HECW1: variants seen among roughly 807,000 people sequenced by gnomAD.
HECW1 encodes the protein HECT, C2 and WW domain containing E3 ubiquitin protein ligase 1, also known as E3 ubiquitin-protein ligase HECW1.
In HECW1, 61 loss-of-function variants were observed where a neutral mutation model predicts 182.3. That is an observed-to-expected ratio of 0.33 (90% confidence interval 0.27 to 0.41). The LOEUF is 0.41. Ranked by LOEUF, HECW1 falls within the 10% of genes least tolerant of loss-of-function variation. The pLI, the probability that HECW1 is intolerant of heterozygous loss-of-function variation, is 1.00. For synonymous variants in HECW1, 859 were observed against 832.6 expected (o/e 1.03, Z -0.55); for missense variants, 1,739 against 2,108.9 (o/e 0.82, Z 3.44).
chr7:43,371,976 C>T (rs147042264), intron 6 of HECW1, among the ~76,000 whole-genome samples: 2,013 of 152,240 alleles, frequency 0.013, 53 homozygotes, highest in African/African-American at 0.045. Flanking sequence ...CCCACCACCA[C>T]GCCCCGCTAA....
At chr7:43,488,052 G>A (rs1401185725) in intron 17 of HECW1, among the ~76,000 whole-genome samples, 10 of 151,966 alleles carry the variant, frequency 6.6e-5, no homozygotes, top group African/African-American at 9.7e-5. Context: ...GCTAAAGCCT[G>A]TAATCCCAGC....
At chr7:43,507,445 G>C (rs1234987146) in intron 22 of HECW1, among the ~76,000 whole-genome samples, 188 bp downstream of exon 22, 1 of 152,118 alleles carries the variant, frequency 6.6e-6, no homozygotes, top group Non-Finnish European at 1.5e-5. Context: ...AAATTGGAAG[G>C]GAAGCAGGAA....
At chr7:43,409,392 G>A (rs1168917201) in intron 8 of HECW1, among the ~76,000 whole-genome samples, 1 of 152,110 alleles carries the variant, frequency 6.6e-6, no homozygotes, top group Non-Finnish European at 1.5e-5. Flanking sequence ...ATTTTGTATG[G>A]GGGGAAAGGC....
chr7:43,270,291 G>T (rs1164030814), intron 3 of HECW1, among the ~76,000 whole-genome samples: 1 of 152,202 alleles, frequency 6.6e-6, no homozygotes, highest in East Asian at 1.9e-4. Context: ...GTCAGCTGGG[G>T]CTGCTGTCAT....
intron 2 of HECW1, among the ~76,000 whole-genome samples, chr7:43,232,247 G>A (rs921294706): frequency 6.6e-6 from 1 of 152,164 alleles, no homozygotes; most frequent in Non-Finnish European, 1.5e-5. Flanking sequence ...GTCTCTATTT[G>A]TGCCAGAACC....
chr7:43,529,118 G>A (rs77395404), intron 24 of HECW1, among the ~76,000 whole-genome samples: 3 of 152,112 alleles, frequency 2.0e-5, no homozygotes, highest in Middle Eastern at 6.8e-3. Context: ...TTATCACCCA[G>A]AACTGTGCCA....
At chr7:43,183,092 G>T (rs1012755583) in intron 2 of HECW1, among the ~76,000 whole-genome samples, 7 of 152,058 alleles carry the variant, frequency 4.6e-5, no homozygotes, top group African/African-American at 1.7e-4. Flanking sequence ...TCTCCTAAGC[G>T]CAGTGCTCTG....
At chr7:43,486,375 C>T (rs1349186708) in intron 17 of HECW1, among the ~76,000 whole-genome samples, 5 of 151,862 alleles carry the variant, frequency 3.3e-5, no homozygotes, top group Admixed American at 6.5e-5. Context: ...GATCTTGGCT[C>T]GCTGCAAACT....
intron 8 of HECW1, among the ~76,000 whole-genome samples, chr7:43,425,044 A>T (rs2076312112): frequency 6.6e-6 from 1 of 152,202 alleles, no homozygotes; most frequent in Admixed American, 6.5e-5. Context: ...ATACAGCACA[A>T]GTCCAGTGAT....
Position 43,208,173 on chromosome 7 carries a change from C to A in HECW1, c.-31-35702C>A, listed in dbSNP as rs192507564. Reference sequence around the variant, plus strand: ...CCTCATATTTTCCAGATCTTTACCTCTTCATGTGACATCTGAGTGATTTTC... The same window carrying A: ...CCTCATATTTTCCAGATCTTTACCTATTCATGTGACATCTGAGTGATTTTC... On this transcript the variant is annotated intron_variant, in intron 2 of 29. Transcript: ENST00000395891. Among the ~76,000 whole-genome samples, 666 of 152,308 alleles carry A rather than the reference C, an allele frequency of 4.4e-3. 13 individuals are homozygous for A. The highest frequency in any genetic ancestry group is 2.2e-3 in the Non-Finnish European group (152 of 68,022).
chr7:43,487,392 C>T (rs191467245), intron 17 of HECW1, among the ~76,000 whole-genome samples: 1 of 152,188 alleles, frequency 6.6e-6, no homozygotes, highest in East Asian at 1.9e-4. Context: ...TGAAAGCGAT[C>T]GATATCAAAA....
chr7:43,262,530 TC>T (rs1212340129), intron 3 of HECW1, among the ~76,000 whole-genome samples: 1 of 152,162 alleles, frequency 6.6e-6, no homozygotes, highest in Non-Finnish European at 1.5e-5. Context: ...AAAACTATGT[TC>T]TTTCCCTGGT....
rs1254212418 is a variant in HECW1, at chr7:43,199,987, A to G, written c.-31-43888A>G. ...AATAATCTGTGAATAAGTACATAGG[A>G]ATGGAAGAAGTCACTAAGCGTCGCT... On this transcript the variant is annotated intron_variant, in intron 2 of 29. Coordinates refer to ENST00000395891, the MANE Select transcript of HECW1 (RefSeq NM_015052.5). Among the ~76,000 whole-genome samples the G allele has an allele frequency of 2.0e-5, 3 of 152,228 alleles. No homozygotes were observed. The East Asian group carries it at 5.8e-4, about 29-fold the overall frequency.
intron 3 of HECW1, among the ~76,000 whole-genome samples, chr7:43,255,358 G>A (rs949739002): frequency 3.3e-5 from 5 of 152,138 alleles, no homozygotes; most frequent in African/African-American, 1.2e-4. Context: ...CAGCACTTTT[G>A]GAGGCTGAGG....
intron 3 of HECW1, among the ~76,000 whole-genome samples, chr7:43,284,998 A>ATTTTTTTT (rs55642652): frequency 6.9e-6 from 1 of 145,396 alleles, no homozygotes; most frequent in African/African-American, 2.5e-5. Flanking sequence ...TTCTGTATGG[A>ATTTTTTTT]TTTTTTTTTT....
At chr7:43,408,673 G>A (rs543792044) in intron 8 of HECW1, among the ~76,000 whole-genome samples, 8 of 152,164 alleles carry the variant, frequency 5.3e-5, no homozygotes, top group East Asian at 3.9e-4. Context: ...GTGACAGAGC[G>A]AGACCCTGTC....
chr7:43,119,685 C>T (rs1404507647), intron 2 of HECW1, among the ~76,000 whole-genome samples: 5 of 136,764 alleles, frequency 3.7e-5, no homozygotes, highest in African/African-American at 8.7e-5. Context: ...ATACAACCCC[C>T]GATTTTTGCT....
At chr7:43,433,082 C>T (rs974230397) in intron 8 of HECW1, among the ~76,000 whole-genome samples, 1 of 152,200 alleles carries the variant, frequency 6.6e-6, no homozygotes, top group African/African-American at 2.4e-5. Context: ...TGTCTGGAGA[C>T]ATTTTTGGCT....
chr7:43,459,108 A>G (rs768894946), intron 13 of HECW1, among the ~76,000 whole-genome samples: 1 of 150,624 alleles, frequency 6.6e-6, no homozygotes, highest in Non-Finnish European at 1.5e-5. Context: ...CACCTGAAAC[A>G]TATCTCATCC....
Sources: gnomAD v4.1 joint callset for allele counts (sites outside exome capture counted in the v4.1 genomes callset) on GRCh38, gnomAD v4.1.1 for gene constraint, MANE v1.5 for transcripts, NCBI Gene and HGNC (gene_info 2026-07-23, HGNC 2026-07-21) for gene names.